Variants in PTK2 observed in about 807,000 individuals in gnomAD.
The protein encoded by PTK2 is focal adhesion kinase 1.
A neutral mutation model predicts 150.1 loss-of-function variants in PTK2; 45 were observed. The ratio of observed to expected loss-of-function variants is 0.30; its 90% CI spans 0.24 to 0.38. PTK2 has a LOEUF of 0.38. Ranked by LOEUF, PTK2 falls within the 10% of genes least tolerant of loss-of-function variation. PTK2 has a pLI of 1.00. For missense variants in PTK2, 919 were observed against 1,307.3 expected, an observed-to-expected ratio of 0.70 and a Z score of 4.58; for synonymous variants, 432 against 449.2, an observed-to-expected ratio of 0.96 and a Z score of 0.48.
chr8:140,861,380 T>C (rs2100135990), intron 5 of PTK2, among the ~76,000 whole-genome samples: 1 of 152,058 alleles, frequency 6.6e-6, no homozygotes, highest in South Asian at 2.1e-4. Flanking sequence ...TTAAAAATAT[T>C]AAAATGTACC....
intron 2 of PTK2, among the ~76,000 whole-genome samples, chr8:140,902,945 T>TTG (rs1568518983): frequency 5.0e-5 from 7 of 140,700 alleles, no homozygotes; most frequent in Non-Finnish European, 9.2e-5. Flanking sequence ...TTTTTTTTTT[T>TTG]TTTTTTTTTT....
At chr8:140,672,881 G>A (rs1202738350) in intron 29 of PTK2, among the ~76,000 whole-genome samples, 1 of 152,196 alleles carries the variant, frequency 6.6e-6, no homozygotes, top group Non-Finnish European at 1.5e-5. Flanking sequence ...GTGTAACCTT[G>A]AACAAACTGC....
intron 1 of PTK2, among the ~76,000 whole-genome samples, chr8:140,944,343 C>A (rs1292300872): frequency 6.6e-6 from 1 of 152,182 alleles, no homozygotes; most frequent in Non-Finnish European, 1.5e-5. Flanking sequence ...GGGAAAGGGT[C>A]ACTGGCAATT....
chr8:140,659,301 T>A, exon 32 of PTK2: 2 of 537,602 alleles, frequency 3.7e-6, no homozygotes, highest in South Asian at 3.4e-5. Flanking sequence ...CAAATCAAAG[T>A]GTGGTTAAAC....
chr8:140,782,240 GTTGT>G, intron 14 of PTK2, among the ~76,000 whole-genome samples: 1 of 124,054 alleles, frequency 8.1e-6, no homozygotes, highest in Non-Finnish European at 1.6e-5. Flanking sequence ...TTAAAATTTG[GTTGT>G]TTTTTTTTTT....
At chr8:140,679,469 G>A (rs544090445) in intron 27 of PTK2, among the ~76,000 whole-genome samples, 2 of 152,160 alleles carry the variant, frequency 1.3e-5, no homozygotes, top group South Asian at 4.2e-4. Flanking sequence ...CAACCTGCTC[G>A]GGTACTCAGG....
At chr8:140,947,833 C>CT (rs936633182) in intron 1 of PTK2, among the ~76,000 whole-genome samples, 1 of 152,078 alleles carries the variant, frequency 6.6e-6, no homozygotes, top group African/African-American at 2.4e-5. Context: ...CAGGGTTTAA[C>CT]TGACTAGTTG....
chr8:140,734,958 G>C (rs1304324569), intron 22 of PTK2: 1 of 461,320 alleles, frequency 2.2e-6, no homozygotes, highest in African/African-American at 2.0e-5. Context: ...AGATTAGTGA[G>C]GAAAGCCGGG....
chr8:140,924,153 C>G (rs371007531), intron 2 of PTK2, among the ~76,000 whole-genome samples: 5 of 152,158 alleles, frequency 3.3e-5, no homozygotes, highest in Admixed American at 3.3e-4. Context: ...TCCCTGCCCA[C>G]GTCAGGGACT....
At chr8:140,778,014 T>G (rs2100079429) in intron 14 of PTK2, among the ~76,000 whole-genome samples, 1 of 152,214 alleles carries the variant, frequency 6.6e-6, no homozygotes, top group Non-Finnish European at 1.5e-5. Flanking sequence ...TTCTCTCATC[T>G]CCTCACACGG....
At chr8:140,904,685 T>C (rs2100160141) in intron 2 of PTK2, among the ~76,000 whole-genome samples, 1 of 152,186 alleles carries the variant, frequency 6.6e-6, no homozygotes, top group Admixed American at 6.5e-5. Flanking sequence ...AACTTGTTAT[T>C]GGTCCATTCA....
rs1290749474 is a variant in PTK2 at position 140,953,540 on chromosome 8, T to C, written c.-121-27791A>G. Among the ~76,000 whole-genome samples, 3 of 152,298 alleles carry C rather than the reference T, an allele frequency of 2.0e-5. No individual in the cohort carries two copies. The East Asian group carries it at 5.8e-4, about 29-fold the overall frequency. On this transcript the variant is annotated intron_variant, in intron 1 of 31. Coordinates refer to ENST00000522684, the Ensembl canonical transcript of PTK2. ...GGGACAATTCACATCCCAGGTGGGA[T>C]AGGGCGGGACAGATCAGGGTGCATG...
chr8:140,986,941 T>C (rs1015126890), intron 1 of PTK2, among the ~76,000 whole-genome samples: 1 of 152,176 alleles, frequency 6.6e-6, no homozygotes, highest in Non-Finnish European at 1.5e-5. Context: ...AAAACCTTTG[T>C]GGCCTAGGAT....
intron 2 of PTK2, among the ~76,000 whole-genome samples, chr8:140,918,377 A>G (rs2100166137): frequency 6.6e-6 from 1 of 152,242 alleles, no homozygotes; most frequent in African/African-American, 2.4e-5. Context: ...AAACTGGTAT[A>G]ATCAAATAAC....
intron 23 of PTK2, among the ~76,000 whole-genome samples, chr8:140,716,230 T>C (rs1352586612): frequency 1.3e-5 from 2 of 152,176 alleles, no homozygotes; most frequent in Non-Finnish European, 2.9e-5. Flanking sequence ...CTTCAAGGCC[T>C]GAGAAGTTAA....
At chr8:140,744,678 A>G in exon 19 of PTK2, 1 of 1,596,956 alleles carries the variant, frequency 6.3e-7, no homozygotes, top group Non-Finnish European at 8.6e-7. Flanking sequence ...TGCTCTCTAG[A>G]TATGCAAGAG....
At chr8:140,690,846 T>A (rs983549251) in intron 26 of PTK2, among the ~76,000 whole-genome samples, 1 of 152,068 alleles carries the variant, frequency 6.6e-6, no homozygotes, top group Non-Finnish European at 1.5e-5. Context: ...TAGACAATGG[T>A]AGTGAAGGGT....
chr8:140,776,192 C>CA (rs992234504), intron 14 of PTK2, among the ~76,000 whole-genome samples: 31 of 152,146 alleles, frequency 2.0e-4, no homozygotes, highest in Non-Finnish European at 7.4e-5. Flanking sequence ...TTAATAGAGA[C>CA]AGGTTTCACC....
chr8:140,973,702 A>C (rs1430145750), intron 1 of PTK2, among the ~76,000 whole-genome samples: 1 of 152,194 alleles, frequency 6.6e-6, no homozygotes. Context: ...GCAATTCCTT[A>C]GGATCCAATA....
Sources: gnomAD v4.1 joint callset for allele counts (sites outside exome capture counted in the v4.1 genomes callset) on GRCh38, gnomAD v4.1.1 for gene constraint, MANE v1.5 for transcripts, NCBI Gene and HGNC (gene_info 2026-07-23, HGNC 2026-07-21) for gene names.